The following LINGO2 variants were observed in gnomAD, a reference collection of about 807,000 sequenced individuals.
LINGO2 encodes leucine rich repeat and Ig domain containing 2, also known as leucine-rich repeat and immunoglobulin-like domain-containing nogo receptor-interacting protein 2.
Under a neutral mutation model 30.6 loss-of-function variants are expected in LINGO2, and 14 were observed. That is an observed-to-expected ratio of 0.46 (90% CI 0.30 to 0.72). The LOEUF is 0.72. Ranked by LOEUF, LINGO2 falls within the 30% of genes least tolerant of loss-of-function variation. The pLI, the probability that LINGO2 is intolerant of heterozygous loss-of-function variation, is 0.07. For synonymous variants in LINGO2, 317 were observed against 288.5 expected (o/e 1.10, Z -1.00); for missense variants, 729 against 751.7 (o/e 0.97, Z 0.35).
intron 5 of LINGO2, among the ~76,000 whole-genome samples, chr9:28,005,558 T>A (rs1417067494): frequency 6.6e-6 from 1 of 152,150 alleles, no homozygotes; most frequent in Admixed American, 6.6e-5. Flanking sequence ...TATACTTATT[T>A]TTTAAGTGAG....
chr9:28,658,329 G>T (rs967307515), intron 1 of LINGO2, among the ~76,000 whole-genome samples: 3 of 151,954 alleles, frequency 2.0e-5, no homozygotes, highest in Non-Finnish European at 1.5e-5. Flanking sequence ...ATTATTGAAA[G>T]TGGAAAATTC....
chr9:28,892,621 T>C, the LINGO2 span, among the ~76,000 whole-genome samples: 1 of 151,978 alleles, frequency 6.6e-6, no homozygotes, highest in African/African-American at 2.4e-5. Flanking sequence ...CAATTTCTCT[T>C]GACATACTCT....
At chr9:28,427,682 ATGTCACATTAGTCTAAATCAGCCCTC>A (rs1823468537) in intron 2 of LINGO2, among the ~76,000 whole-genome samples, 1 of 152,132 alleles carries the variant, frequency 6.6e-6, no homozygotes, top group Non-Finnish European at 1.5e-5. Flanking sequence ...TTTTAAATGA[ATGTCACATTAGTCTAAATCAGCCCTC>A]TGTGGCATAA....
the LINGO2 span, among the ~76,000 whole-genome samples, chr9:28,703,997 T>G: frequency 1.3e-5 from 2 of 152,028 alleles, no homozygotes; most frequent in Admixed American, 6.6e-5. Context: ...TAAAAGATTT[T>G]ATTTGGCCTT....
At chr9:28,044,584 TTGA>T (rs1431204135) in intron 4 of LINGO2, among the ~76,000 whole-genome samples, 2 of 152,172 alleles carry the variant, frequency 1.3e-5, no homozygotes, top group Non-Finnish European at 2.9e-5. Flanking sequence ...TTTGTTTGGT[TTGA>T]TTTTTTTTTA....
intron 2 of LINGO2, among the ~76,000 whole-genome samples, chr9:28,401,692 G>C (rs1295048517): frequency 1.3e-5 from 2 of 152,036 alleles, no homozygotes; most frequent in African/African-American, 4.8e-5. Context: ...CTGGTTCTAG[G>C]TCCTTGAGGA....
chr9:28,311,459 A>G (rs1043633783), intron 3 of LINGO2, among the ~76,000 whole-genome samples: 1 of 152,154 alleles, frequency 6.6e-6, no homozygotes, highest in Non-Finnish European at 1.5e-5. Context: ...GGGGCTTATT[A>G]CATCCCTACA....
At chr9:27,950,273 C>A (rs1190795793) in exon 6 of LINGO2, 3 of 1,613,772 alleles carry the variant, frequency 1.9e-6, no homozygotes, top group Non-Finnish European at 2.5e-6. Context: ...TAATGTCAAG[C>A]TTAGTGAGAT....
chr9:28,362,467 C>CT lies in LINGO2; in HGVS notation c.-246+10368dup, dbSNP rs777461769. Among the ~76,000 whole-genome samples the CT allele has an allele frequency of 4.9e-3, 704 of 145,070 alleles. 1 individual carries two copies. Among genetic ancestry groups the CT allele is most frequent in the African/African-American group, 0.014 (548 of 39,688 alleles). ...CTAGAAGAGAAGTTATTTGGCTTTC[C>CT]TTTTTTTTTTTTCTTTTTTTGAGAC... On this transcript the variant is annotated intron_variant, in intron 3 of 5. Coordinates refer to ENST00000379992, the Ensembl canonical transcript of LINGO2.
intron 3 of LINGO2, among the ~76,000 whole-genome samples, chr9:28,342,234 C>G (rs191180846): frequency 3.3e-5 from 5 of 152,150 alleles, no homozygotes; most frequent in Admixed American, 2.0e-4. Context: ...GTGTTTCAAC[C>G]CTGTCTTCTA....
At chr9:29,072,349 A>G in the LINGO2 span, among the ~76,000 whole-genome samples, 78 of 151,974 alleles carry the variant, frequency 5.1e-4, no homozygotes, top group Admixed American at 1.1e-3. Flanking sequence ...ATGGAAACAT[A>G]AGACCTTTTA....
intron 2 of LINGO2, among the ~76,000 whole-genome samples, chr9:28,376,730 C>G (rs1030027674): frequency 6.6e-6 from 1 of 152,180 alleles, no homozygotes; most frequent in Non-Finnish European, 1.5e-5. Context: ...ATGAAAACCT[C>G]TGTCTTAGAG....
At chr9:28,661,372 G>A (rs1828578162) in intron 1 of LINGO2, among the ~76,000 whole-genome samples, 1 of 152,094 alleles carries the variant, frequency 6.6e-6, no homozygotes, top group East Asian at 1.9e-4. Flanking sequence ...CCCTACAGTT[G>A]ACTTCATGTG....
chr9:28,109,797 T>C (rs1489951406), intron 4 of LINGO2, among the ~76,000 whole-genome samples: 1 of 152,108 alleles, frequency 6.6e-6, no homozygotes, highest in Non-Finnish European at 1.5e-5. Flanking sequence ...GAATCAATAT[T>C]GTGAAAATGA....
chr9:28,442,772 G>C (rs10118763), intron 2 of LINGO2, among the ~76,000 whole-genome samples: 48,853 of 151,748 alleles, frequency 0.32, 8,334 homozygotes, highest in East Asian at 0.57. Flanking sequence ...AAGCATTCCT[G>C]TGACAGTTAT....
At chr9:29,077,304 A>G in the LINGO2 span, among the ~76,000 whole-genome samples, 10 of 152,208 alleles carry the variant, frequency 6.6e-5, no homozygotes, top group African/African-American at 2.2e-4. Flanking sequence ...GGAAAGAAAC[A>G]AATATGATCT....
chr9:28,466,176 C>T (rs1825292749), intron 2 of LINGO2, among the ~76,000 whole-genome samples: 1 of 152,172 alleles, frequency 6.6e-6, no homozygotes, highest in African/African-American at 2.4e-5. Context: ...ATGTTTATTG[C>T]AGCACTGTTC....
chr9:28,146,386 T>C (rs572012589), intron 4 of LINGO2, among the ~76,000 whole-genome samples: 7 of 152,186 alleles, frequency 4.6e-5, no homozygotes, highest in African/African-American at 1.7e-4. Context: ...ATAAAATAAA[T>C]ACACACTAGT....
the LINGO2 span, among the ~76,000 whole-genome samples, chr9:29,212,967 C>T: frequency 2.0e-5 from 3 of 152,208 alleles, no homozygotes; most frequent in Admixed American, 6.5e-5. Flanking sequence ...AATCCCAAGC[C>T]AAGGATGCGA....
Sources: gnomAD v4.1 joint callset for allele counts (sites outside exome capture counted in the v4.1 genomes callset) on GRCh38, gnomAD v4.1.1 for gene constraint, MANE v1.5 for transcripts, NCBI Gene and HGNC (gene_info 2026-07-23, HGNC 2026-07-21) for gene names.